HYDIN: variants seen among roughly 807,000 people sequenced by gnomAD.
HYDIN encodes axonemal central pair apparatus protein HYDIN.
Under a neutral mutation model 403.9 loss-of-function variants are expected in HYDIN, and 132 were observed. That is an observed-to-expected ratio of 0.33 (90% CI 0.28 to 0.38). The LOEUF is 0.38. Ranked by LOEUF, HYDIN falls within the 10% of genes least tolerant of loss-of-function variation. The pLI is 1.00. For missense variants in HYDIN, 2,827 were observed against 5,009.5 expected (o/e 0.56, Z 13.15); for synonymous variants, 1,202 against 1,891.7 (o/e 0.64, Z 9.46).
At chr16:71,192,993 C>G (rs528041941) in intron 1 of HYDIN, among the ~76,000 whole-genome samples, 1 of 152,292 alleles carries the variant, frequency 6.6e-6, no homozygotes, top group South Asian at 2.1e-4. Context: ...CTACAAAACC[C>G]ATCTCAAGAA....
chr16:70,883,823 GGCCTCCCAAAGT>G (rs1454626716), intron 59 of HYDIN, 85 bp downstream of exon 59: 2 of 1,433,236 alleles, frequency 1.4e-6, no homozygotes, highest in Admixed American at 3.7e-5. Context: ...TGCCCGCCTT[GGCCTCCCAAAGT>G]GCTGGGATCA....
At chr16:71,102,576 A>G (rs1197775540) in intron 10 of HYDIN, among the ~76,000 whole-genome samples, 1 of 151,538 alleles carries the variant, frequency 6.6e-6, no homozygotes, top group Non-Finnish European at 1.5e-5. Context: ...TGCCAGCAAA[A>G]ACATTTATGT....
At chr16:71,130,342 T>G (rs2084653634) in intron 8 of HYDIN, among the ~76,000 whole-genome samples, 1 of 152,154 alleles carries the variant, frequency 6.6e-6, no homozygotes, top group South Asian at 2.1e-4. Context: ...CTGATTCCTC[T>G]AAGCCTCAGT....
chr16:70,820,267 G>T (rs1160711134), intron 83 of HYDIN, among the ~76,000 whole-genome samples: 1 of 125,414 alleles, frequency 8.0e-6, no homozygotes, highest in African/African-American at 3.1e-5. Context: ...CTCGGCTCCC[G>T]GCAAGCTCCC....
chr16:71,178,419 CAA>C (rs72161442), intron 4 of HYDIN, among the ~76,000 whole-genome samples: 47 of 123,978 alleles, frequency 3.8e-4, no homozygotes, highest in Admixed American at 2.0e-3. Context: ...AACTCTGTCT[CAA>C]AAAAAAAAAA....
chr16:70,847,638 T>C (rs1257377066), intron 75 of HYDIN, among the ~76,000 whole-genome samples: 2 of 151,940 alleles, frequency 1.3e-5, no homozygotes, highest in Non-Finnish European at 2.9e-5. Flanking sequence ...TTTCAGCACG[T>C]TGAATATGTC....
chr16:70,984,527 G>A (rs575707452), intron 28 of HYDIN, among the ~76,000 whole-genome samples: 67 of 150,252 alleles, frequency 4.5e-4, no homozygotes, highest in Non-Finnish European at 7.5e-4. Context: ...ATTAATGTAG[G>A]GACAAACAGA....
rs151293475 is a variant in HYDIN, at chr16:70,894,395, C to T, written c.9248+54G>A. ...CTGAACACGATCTCATATTTCCCCA[C>T]ATTCCTCCCCACGGCGGACTTGATG... On this transcript the variant is annotated intron_variant, in intron 55 of 85. Transcript: ENST00000393567. 4,836 of 1,610,116 alleles carry T rather than the reference C, an allele frequency of 3.0e-3. 130 individuals are homozygous for T. In the African/African-American group the frequency reaches 0.057, roughly 19 times the overall value.
chr16:70,839,949 T>G (rs1053116206), intron 76 of HYDIN, 115 bp downstream of exon 76: 1 of 713,888 alleles, frequency 1.4e-6, no homozygotes, highest in Non-Finnish European at 2.3e-6. Context: ...TTTGTTTGAC[T>G]CTTTCCCATA....
chr16:71,129,583 C>A (rs2084621485), intron 9 of HYDIN, 57 bp downstream of exon 9: 1 of 1,490,024 alleles, frequency 6.7e-7, no homozygotes. Flanking sequence ...CTTATCAAAG[C>A]AAGCCTGTGC....
chr16:71,110,479 AT>A (rs1357408875), intron 10 of HYDIN, among the ~76,000 whole-genome samples: 1 of 143,060 alleles, frequency 7.0e-6, no homozygotes, highest in African/African-American at 2.6e-5. Flanking sequence ...ATATATAAAT[AT>A]ATATAATATA....
chr16:70,895,931 T>C (rs1279901521), intron 54 of HYDIN, 50 bp downstream of exon 54: 1 of 1,552,080 alleles, frequency 6.4e-7, no homozygotes, highest in South Asian at 1.2e-5. Flanking sequence ...AAATACACTA[T>C]ACAAAAGACC....
chr16:70,877,576 C>T (rs2040525003), intron 62 of HYDIN, among the ~76,000 whole-genome samples: 1 of 152,192 alleles, frequency 6.6e-6, no homozygotes, highest in African/African-American at 2.4e-5. Context: ...TTCAGATAAT[C>T]AGGCATTAGA....
chr16:70,883,973 G>A lies in HYDIN; in HGVS notation c.9926C>T (p.Ala3309Val). The A allele has an allele frequency of 1.9e-6, 3 of 1,614,162 alleles. No individual in the cohort carries two copies. The highest frequency in any genetic ancestry group is 2.5e-6 in the Non-Finnish European group (3 of 1,180,044). The change falls in exon 59 of 86, where the codon GCA becomes GTA. Residue 3309 changes from alanine to valine, a missense_variant. Physicochemically the swap from Ala to Val is moderately conservative, Grantham distance 64. Coordinates refer to ENST00000393567, the MANE Select transcript of HYDIN (RefSeq NM_001270974.2). ...GTAAAGAATGCCGGCAGGGTGGACT[G>A]CAGGGTCTCGGCCGGAGATATCGAT... ...IAIDISGRDP[A>V]VHPAGILYTL... is the part of the protein sequence containing the mutation.
intron 1 of HYDIN, among the ~76,000 whole-genome samples, chr16:71,226,168 A>C (rs2041023984): frequency 6.6e-6 from 1 of 152,236 alleles, no homozygotes; most frequent in African/African-American, 2.4e-5. Context: ...ATTCACTGTA[A>C]AGTTATCAAG....
chr16:70,956,848 A>G (rs1233742043), intron 39 of HYDIN, among the ~76,000 whole-genome samples: 1 of 151,822 alleles, frequency 6.6e-6, no homozygotes, highest in Non-Finnish European at 1.5e-5. Context: ...CACTTGTTAT[A>G]GTAGCAACGG....
chr16:71,037,258 A>C (rs1397359642), intron 18 of HYDIN, among the ~76,000 whole-genome samples: 2 of 144,372 alleles, frequency 1.4e-5, no homozygotes, highest in Admixed American at 7.0e-5. Context: ...CAAGAACGAA[A>C]GCTATCGTCA....
At chr16:70,894,175 T>C in intron 55 of HYDIN, 1 of 466,870 alleles carries the variant, frequency 2.1e-6, no homozygotes, top group Non-Finnish European at 3.7e-6. Context: ...TAAAGGCCCC[T>C]GTTAAGCTGC....
chr16:70,910,190 G>A (rs746787343), intron 47 of HYDIN, among the ~76,000 whole-genome samples: 4 of 151,930 alleles, frequency 2.6e-5, no homozygotes, highest in South Asian at 2.1e-4. Flanking sequence ...CCCATCACCC[G>A]AGCAGTATAC....
Sources: allele counts gnomAD v4.1 joint callset (sites outside exome capture counted in the v4.1 genomes callset), GRCh38; gene constraint gnomAD v4.1.1; transcripts MANE v1.5; gene names NCBI Gene and HGNC (gene_info 2026-07-23, HGNC 2026-07-21).